Variants in LDLRAD3 observed in about 807,000 individuals in gnomAD.
The protein encoded by LDLRAD3 is low-density lipoprotein receptor class A domain-containing protein 3.
Under a neutral mutation model 29.4 loss-of-function variants are expected in LDLRAD3, and 20 were observed. The ratio of observed to expected loss-of-function variants is 0.68; its 90% confidence interval spans 0.48 to 0.99. The LOEUF is 0.99. LDLRAD3 is among the 50% of genes least tolerant of loss of function. LDLRAD3 has a pLI of 0.00. For synonymous variants in LDLRAD3, 157 were observed against 192.7 expected (o/e 0.81, Z 1.53); for missense variants, 420 against 454.3 (o/e 0.92, Z 0.69).
chr11:35,983,663 C>T (rs1334442089), intron 1 of LDLRAD3, among the ~76,000 whole-genome samples: 1 of 152,210 alleles, frequency 6.6e-6, no homozygotes, highest in Non-Finnish European at 1.5e-5. Flanking sequence ...CAGAGTCTTG[C>T]TCTGTCACCC....
rs140812497 is a variant in LDLRAD3, at chr11:36,089,606, T to C, written c.319+7828T>C. On this transcript the variant is annotated intron_variant, in intron 3 of 5. Transcript: ENST00000315571. ...CAAAGCCCAGCTAATTTTTGCCCAA[T>C]ACATATGTTTTAGAGACAGGGTCTT... Among the ~76,000 whole-genome samples the C allele has an allele frequency of 5.3e-5, 8 of 152,164 alleles. No homozygotes were observed. In the East Asian group the frequency reaches 1.5e-3, roughly 29 times the overall value.
chr11:35,962,252 T>TCATATG (rs1434516695), intron 1 of LDLRAD3, among the ~76,000 whole-genome samples: 22 of 152,278 alleles, frequency 1.4e-4, no homozygotes, highest in African/African-American at 5.1e-4. Context: ...TGTCTCCAAG[T>TCATATG]TCTAGGGGTA....
chr11:36,027,818 CAG>C (rs1443886496), intron 1 of LDLRAD3, among the ~76,000 whole-genome samples: 1 of 152,194 alleles, frequency 6.6e-6, no homozygotes, highest in Non-Finnish European at 1.5e-5. Context: ...TGCTGAAGTG[CAG>C]AGTCGATTGG....
chr11:36,135,141 T>TG (rs1490498955), intron 4 of LDLRAD3, among the ~76,000 whole-genome samples: 1 of 152,254 alleles, frequency 6.6e-6, no homozygotes, highest in Non-Finnish European at 1.5e-5. Flanking sequence ...AGCCTGGAGA[T>TG]GCAGCCTCTC....
chr11:36,107,829 C>T (rs1263031943), intron 4 of LDLRAD3, among the ~76,000 whole-genome samples: 8 of 152,150 alleles, frequency 5.3e-5, no homozygotes, highest in Admixed American at 1.3e-4. Flanking sequence ...ATATCCCTGT[C>T]GTTAAGCAAC....
intron 3 of LDLRAD3, among the ~76,000 whole-genome samples, chr11:36,095,773 T>A (rs1403411210): frequency 1.3e-5 from 2 of 152,156 alleles, no homozygotes; most frequent in Non-Finnish European, 2.9e-5. Context: ...TACATAAGCT[T>A]ATGAACGCCC....
At chr11:35,945,972 A>C (rs1851052032) in intron 1 of LDLRAD3, among the ~76,000 whole-genome samples, 1 of 152,192 alleles carries the variant, frequency 6.6e-6, no homozygotes, top group Admixed American at 6.5e-5. Context: ...TGGGTTTTCC[A>C]TTATCTGTGG....
chr11:36,021,857 C>G (rs543300182), intron 1 of LDLRAD3, among the ~76,000 whole-genome samples: 135 of 152,202 alleles, frequency 8.9e-4, no homozygotes, highest in African/African-American at 3.2e-3. Context: ...CACTATATAC[C>G]CCAGGCTGAT....
chr11:35,982,641 G>A (rs1474995426), intron 1 of LDLRAD3, among the ~76,000 whole-genome samples: 1 of 151,980 alleles, frequency 6.6e-6, no homozygotes, highest in African/African-American at 2.4e-5. Flanking sequence ...TCCACTCAAG[G>A]GCATGTCTGG....
intron 4 of LDLRAD3, among the ~76,000 whole-genome samples, chr11:36,214,610 C>T (rs763708662): frequency 3.5e-4 from 53 of 152,190 alleles, no homozygotes; most frequent in Non-Finnish European, 5.7e-4. Context: ...AACAGATCAC[C>T]GGGAAAACTG....
chr11:36,120,031 C>G (rs927133030), intron 4 of LDLRAD3, among the ~76,000 whole-genome samples: 1 of 152,172 alleles, frequency 6.6e-6, no homozygotes, highest in African/African-American at 2.4e-5. Flanking sequence ...ACGCATCATT[C>G]TTTTGCATGT....
At chr11:36,118,640 A>G (rs945453690) in intron 4 of LDLRAD3, among the ~76,000 whole-genome samples, 38 of 152,160 alleles carry the variant, frequency 2.5e-4, no homozygotes, top group Admixed American at 5.9e-4. Context: ...GTATCAGTCA[A>G]TAAGTATATT....
At chr11:36,023,680 C>G (rs916799411) in intron 1 of LDLRAD3, among the ~76,000 whole-genome samples, 1 of 152,100 alleles carries the variant, frequency 6.6e-6, no homozygotes, top group African/African-American at 2.4e-5. Context: ...GGGACGATTA[C>G]GAGTCCACAG....
chr11:36,002,230 A>G (rs1426139807), intron 1 of LDLRAD3, among the ~76,000 whole-genome samples: 1 of 152,242 alleles, frequency 6.6e-6, no homozygotes, highest in African/African-American at 2.4e-5. Context: ...GTTTGTAGCT[A>G]TTACTAGCAT....
Position 36,213,851 on chromosome 11 carries a change from TCTC to T in LDLRAD3, c.455-13233_455-13231del, listed in dbSNP as rs750530920. On this transcript the variant is annotated intron_variant, in intron 4 of 5. Coordinates refer to ENST00000315571, the MANE Select transcript of LDLRAD3 (RefSeq NM_174902.4). This position sits in a 1 kb window ranked among gnomAD's most constrained non-coding sequence, Gnocchi z 4.1. ...CCTCCCTCTCAGCAGCGTTTTCTCT[TCTC>T]TGCCATTCAGCACTCCCAAGGCCCG... is the stretch of plus-strand genomic sequence containing the variant. Among the ~76,000 whole-genome samples, 2 of 151,892 alleles carry T rather than the reference TCTC, an allele frequency of 1.3e-5. No homozygotes were observed. Among genetic ancestry groups the T allele is most frequent in the Non-Finnish European group, 2.9e-5 (2 of 67,980 alleles).
intron 3 of LDLRAD3, among the ~76,000 whole-genome samples, chr11:36,091,481 GCCTC>G (rs932241816): frequency 2.0e-5 from 3 of 151,816 alleles, no homozygotes; most frequent in Non-Finnish European, 2.9e-5. Flanking sequence ...CTTCACTCCT[GCCTC>G]CCTCCCTCCC....
At chr11:35,989,428 A>T (rs2133165402) in intron 1 of LDLRAD3, among the ~76,000 whole-genome samples, 1 of 152,314 alleles carries the variant, frequency 6.6e-6, no homozygotes, top group African/African-American at 2.4e-5. Context: ...TGGTAGTTTG[A>T]TAGGATTAGC....
intron 1 of LDLRAD3, among the ~76,000 whole-genome samples, chr11:35,979,171 G>C (rs1317790788): frequency 6.6e-6 from 1 of 152,172 alleles, no homozygotes; most frequent in Admixed American, 6.5e-5. Flanking sequence ...GATAATTCAG[G>C]TGGTGGGCAC....
At chr11:35,994,825 A>G (rs1851733725) in intron 1 of LDLRAD3, among the ~76,000 whole-genome samples, 1 of 152,238 alleles carries the variant, frequency 6.6e-6, no homozygotes, top group South Asian at 2.1e-4. Context: ...ACTAGATTCC[A>G]TCTCAAGAAG....
Sources: gnomAD v4.1 joint callset for allele counts (sites outside exome capture counted in the v4.1 genomes callset) on GRCh38, gnomAD v4.1.1 for gene constraint, Gnocchi (gnomAD v3.1) non-coding constraint, MANE v1.5 for transcripts, NCBI Gene and HGNC (gene_info 2026-07-23, HGNC 2026-07-21) for gene names.